PIGO: variants seen among roughly 807,000 people sequenced by gnomAD.
PIGO encodes phosphatidylinositol glycan anchor biosynthesis class O.
A neutral mutation model predicts 86.9 loss-of-function variants in PIGO; 66 were observed. The ratio of observed to expected loss-of-function variants is 0.76; its 90% CI spans 0.62 to 0.93. PIGO has a LOEUF of 0.93. PIGO is among the 40% of genes least tolerant of loss of function. The pLI, the probability that PIGO is intolerant of heterozygous loss-of-function variation, is 0.00. For missense variants in PIGO, 1,202 were observed against 1,359.1 expected (o/e 0.88, Z 1.82); for synonymous variants, 570 against 556.4 (o/e 1.02, Z -0.34).
At chr9:35,094,972 C>T (rs1829596947) in intron 2 of PIGO, 83 bp downstream of exon 2, 2 of 1,498,006 alleles carry the variant, frequency 1.3e-6, no homozygotes, top group South Asian at 2.7e-5. Flanking sequence ...TGCATCTGGG[C>T]ACCCAAAGGT....
chr9:35,095,090 A>C lies in PIGO; in HGVS notation c.476T>G (p.Val159Gly). The change falls in exon 2 of 11, where the codon GTG becomes GGG. Residue 159 changes from valine (V) to glycine (G), a missense_variant. Val to Gly is a moderately radical substitution (Grantham distance 109). Coordinates refer to ENST00000378617, the MANE Select transcript of PIGO (RefSeq NM_032634.4). ...AGSNFASHAI[V>G]EDNLIKQLTS... ...GAGCTGCTTAATGAGATTGTCTTCC[A>C]CTATGGCGTGGCTGGCGAAGTTACT... 1 of 1,612,906 alleles carries C rather than the reference A, an allele frequency of 6.2e-7. No individual in the cohort carries two copies. Among genetic ancestry groups the C allele is most frequent in the Non-Finnish European group, 8.5e-7 (1 of 1,179,318 alleles).
intron 2 of PIGO, among the ~76,000 whole-genome samples, chr9:35,094,820 C>T (rs569635647): frequency 6.6e-6 from 1 of 152,314 alleles, no homozygotes; most frequent in Non-Finnish European, 1.5e-5. Flanking sequence ...GCCCAGATCC[C>T]TTCTCCTCTG....
At position 35,089,416 on chromosome 9, in the gene PIGO, C is replaced by T. The variant is rs763001837; in HGVS notation, c.3104G>A (p.Arg1035His). ...CACTTTCCAGACCATGAGATGCCTGCGAAGGATGGAGGCTGCCAAGGCACA... is the reference window on the plus strand; with the variant it reads ...CACTTTCCAGACCATGAGATGCCTGTGAAGGATGGAGGCTGCCAAGGCACA... ...LACALAASIL[R>H]RHLMVWKVFA... Residue 1035 changes from arginine to histidine, a missense_variant, in exon 10 of 11, where the codon CGC becomes CAC. Transcript: ENST00000378617. The T allele has an allele frequency of 7.3e-5, 118 of 1,614,020 alleles. No individual in the cohort carries two copies. The highest frequency in any genetic ancestry group is 9.3e-5 in the Non-Finnish European group (110 of 1,180,044).
Position 35,091,265 on chromosome 9 carries a change from A to G in PIGO, c.2622T>C (p.Ala874=). The change falls in exon 7 of 11, where the codon GCT becomes GCC. Residue 874 remains alanine, a synonymous_variant. Transcript: ENST00000378617. ...CAGGGGTGGTGACGGGTATCCCAGC[A>G]GCAAGCAGATGTAGGAGAAGGAAGC... ...LQSFLLLHLL[A]AGIPVTTPGP... The G allele has an allele frequency of 6.2e-7, 1 of 1,604,014 alleles. No homozygotes were observed. The highest frequency in any genetic ancestry group is 8.5e-7 in the Non-Finnish European group (1 of 1,173,896).
Position 35,089,415 on chromosome 9 carries a change from G to A in PIGO, c.3105C>T (p.Arg1035=), listed in dbSNP as rs749912708. 6.2e-7 allele frequency: 1 copy of A among 1,614,196 alleles called. No individual in the cohort carries two copies. Among genetic ancestry groups the A allele is most frequent in the South Asian group, 1.1e-5 (1 of 91,086 alleles). ...ACACTTTCCAGACCATGAGATGCCT[G>A]CGAAGGATGGAGGCTGCCAAGGCAC... ...LACALAASIL[R]RHLMVWKVFA... The change falls in exon 10 of 11, where the codon CGC becomes CGT. Residue 1035 remains arginine (R), a synonymous_variant. Coordinates refer to ENST00000378617, the MANE Select transcript of PIGO (RefSeq NM_032634.4).
chr9:35,091,145 G>T, intron 7 of PIGO, 95 bp downstream of exon 7: 1 of 1,374,894 alleles, frequency 7.3e-7, no homozygotes, highest in Non-Finnish European at 9.8e-7. Flanking sequence ...CCTCTGTCAA[G>T]CTCAGGAACA....
At chr9:35,089,291 C>T (rs1269974795) in intron 10 of PIGO, 70 bp from the exon 11 acceptor site, 1 of 1,613,276 alleles carries the variant, frequency 6.2e-7, no homozygotes, top group Non-Finnish European at 8.5e-7. Context: ...GAGGCAAAAC[C>T]TTGGCCATCC....
rs1458408993 is a variant in PIGO at position 35,095,260 on chromosome 9, G to C, written c.306C>G (p.Gly102=). Residue 102 remains glycine (G), a synonymous_variant, in exon 2 of 11, where the codon GGC becomes GGG. Transcript: ENST00000378617. ...REPPVSLPFL[G]KLSSLQRILE... ...GGATCCTCTGCAAGGAGCTTAGTTT[G>C]CCCAGGAAGGGTAGGGAGACAGGAG... 1 of 1,614,162 alleles carries C rather than the reference G, an allele frequency of 6.2e-7. No individual in the cohort carries two copies. Among genetic ancestry groups the C allele is most frequent in the Non-Finnish European group, 8.5e-7 (1 of 1,180,012 alleles).
intron 6 of PIGO, 65 bp from the exon 7 acceptor site, chr9:35,092,832 G>C: frequency 1.4e-6 from 2 of 1,458,438 alleles, no homozygotes; most frequent in South Asian, 2.7e-5. Context: ...GCAGAGGCAA[G>C]AATAGGTATT....
At position 35,091,955 on chromosome 9, in the gene PIGO, C is replaced by T. The variant is rs764673294; in HGVS notation, c.1932G>A (p.Glu644=). Residue 644 remains glutamate, a synonymous_variant, in exon 7 of 11, where the codon GAG becomes GAA. Transcript: ENST00000378617. ...AGGGAGAGGAGTGGCAAACAGGTGT[C>T]TCTTCAGGGCAACGATGAAAAAGCC... ...LAGLFHRCPE[E]TPVCHSSPWL... 1.2e-6 allele frequency: 2 copies of T among 1,614,226 alleles called. No individual in the cohort carries two copies. Among genetic ancestry groups the T allele is most frequent in the Middle Eastern group, 1.6e-4 (1 of 6,062 alleles).
chr9:35,093,071 CAG>C lies in PIGO; in HGVS notation c.1076_1077del (p.Ser359CysfsTer32), dbSNP rs1829508460. The C allele has an allele frequency of 1.2e-6, 2 of 1,613,802 alleles. No homozygotes were observed. The highest frequency in any genetic ancestry group is 3.3e-5 in the Admixed American group (2 of 59,990). ...SGGEDSQPHS[S>X]ALAQASALHL... is the part of the protein sequence containing the mutation. ...TGGAGAGCTGAGGCTTGGGCTAAAG[CAG>C]AGGAGTGGGGCTGGGAGTCCTCACC... On this transcript the variant is annotated frameshift_variant, in exon 6 of 11. Transcript: ENST00000378617. LOFTEE classifies it high-confidence loss of function.
chr9:35,091,100 C>T, intron 7 of PIGO, 140 bp downstream of exon 7: 1 of 979,714 alleles, frequency 1.0e-6, no homozygotes, highest in South Asian at 1.7e-5. Context: ...GAGAGGACAC[C>T]AAGAAGACCT....
At chr9:35,095,936 G>A (rs1466814948) in intron 1 of PIGO, 2 of 190,128 alleles carry the variant, frequency 1.1e-5, no homozygotes, top group Non-Finnish European at 2.2e-5. Flanking sequence ...TCGGGGAGGC[G>A]GAGGTTGCAG....
chr9:35,090,798 C>A, intron 7 of PIGO, 126 bp from the exon 8 acceptor site: 1 of 888,538 alleles, frequency 1.1e-6, no homozygotes, highest in Non-Finnish European at 1.7e-6. Flanking sequence ...GCCTATCAGC[C>A]CAACCTCCTT....
Position 35,092,217 on chromosome 9 carries a change from A to G in PIGO, c.1670T>C (p.Leu557Ser). 1 of 1,614,240 alleles carries G rather than the reference A, an allele frequency of 6.2e-7. No homozygotes were observed. Among genetic ancestry groups the G allele is most frequent in the South Asian group, 1.1e-5 (1 of 91,090 alleles). Reference sequence around the variant, plus strand: ...AAAACTATCAGAGAAGAACACAGCCAAGCGAAACAGCAGGAGTAACAGGAC... The same window carrying G: ...AAAACTATCAGAGAAGAACACAGCCGAGCGAAACAGCAGGAGTAACAGGAC... ...GPVLLLLLFR[L>S]AVFFSDSFVV... Residue 557 changes from leucine to serine, a missense_variant, in exon 7 of 11, where the codon TTG becomes TCG. Transcript: ENST00000378617.
At chr9:35,095,603 G>A (rs888741480) in intron 1 of PIGO, 37 bp from the exon 2 acceptor site, 4 of 1,484,546 alleles carry the variant, frequency 2.7e-6, no homozygotes, top group South Asian at 2.8e-5. Context: ...TTACTGTGGG[G>A]CAAAGAACCA....
rs148341577 is a variant in PIGO at position 35,091,696 on chromosome 9, G to A, written c.2191C>T (p.Arg731Cys). Residue 731 changes from arginine (R) to cysteine (C), a missense_variant, in exon 7 of 11, where the codon CGT becomes TGT. By Grantham distance (180) the Arg-to-Cys change is radical (BLOSUM62 -3). Coordinates refer to ENST00000378617, the MANE Select transcript of PIGO (RefSeq NM_032634.4). ...GCCCCAGAGACCAGGACCCGGAGAC[G>A]GGGGGGAGCCTCATCTGCCCCCGAC... ...LASGADEAPP[R>C]LRVLVSGASM... 1.4e-5 allele frequency: 23 copies of A among 1,611,734 alleles called. No homozygotes were observed. Among genetic ancestry groups the A allele is most frequent in the African/African-American group, 6.7e-5 (5 of 75,006 alleles).
chr9:35,089,504 G>A (rs374686486), intron 9 of PIGO, 54 bp from the exon 10 acceptor site: 11 of 1,611,656 alleles, frequency 6.8e-6, no homozygotes, highest in Non-Finnish European at 9.3e-6. Context: ...AGGAAGCGGA[G>A]CAAAAGGAGA....
Position 35,092,464 on chromosome 9 carries a change from G to C in PIGO, c.1423C>G (p.Pro475Ala). 6.2e-7 allele frequency: 1 copy of C among 1,614,222 alleles called. No individual in the cohort carries two copies. The highest frequency in any genetic ancestry group is 8.5e-7 in the Non-Finnish European group (1 of 1,180,022). Reference sequence around the variant, plus strand: ...AGTAGAGGGCAGAATGGAAAGCCTGGGGATATTGCCCACTGAGATGCCAGC... The same window carrying C: ...AGTAGAGGGCAGAATGGAAAGCCTGCGGATATTGCCCACTGAGATGCCAGC... ...CLLASQWAISPGFPFCPLLLT... is the reference protein window; with the variant it reads ...CLLASQWAISAGFPFCPLLLT... Residue 475 changes from proline (P) to alanine (A), a missense_variant, in exon 7 of 11, where the codon CCA becomes GCA. Transcript: ENST00000378617.
Sources: gnomAD v4.1 joint callset for allele counts (sites outside exome capture counted in the v4.1 genomes callset) on GRCh38, gnomAD v4.1.1 for gene constraint, MANE v1.5 for transcripts, NCBI Gene and HGNC (gene_info 2026-07-23, HGNC 2026-07-21) for gene names.